PCDHA6: variants seen among roughly 807,000 people sequenced by gnomAD.
The protein encoded by PCDHA6 is protocadherin alpha-6.
In PCDHA6, 55 loss-of-function variants were observed where a neutral mutation model predicts 60.3. That is an observed-to-expected ratio of 0.91 (90% CI 0.73 to 1.14). The LOEUF (loss-of-function observed/expected upper bound fraction) is 1.14, where lower values mean the gene tolerates loss of function less well. Among genes scored for constraint, PCDHA6 ranks in the 50% most tolerant of loss-of-function variants. The pLI is 0.00. For synonymous variants in PCDHA6, 652 were observed against 557.9 expected (o/e 1.17, Z -2.38); for missense variants, 1,327 against 1,256.5 (o/e 1.06, Z -0.85).
At chr5:140,978,887 A>C (rs1367734690) in intron 1 of PCDHA6, 62 bp from the exon 2 acceptor site, 14 of 1,611,648 alleles carry the variant, frequency 8.7e-6, no homozygotes, top group Admixed American at 1.7e-5. Flanking sequence ...ATCAATTAGC[A>C]GCATTCCTGG....
chr5:140,872,007 G>A (rs974078446), intron 1 of PCDHA6, among the ~76,000 whole-genome samples: 7 of 152,176 alleles, frequency 4.6e-5, no homozygotes, highest in African/African-American at 1.4e-4. Flanking sequence ...ATTTACAGGT[G>A]ACCTGTAGCC....
chr5:140,941,111 G>T (rs1477407055), intron 1 of PCDHA6, among the ~76,000 whole-genome samples: 2 of 152,090 alleles, frequency 1.3e-5, no homozygotes, highest in Non-Finnish European at 2.9e-5. Context: ...TTACTGGAAA[G>T]ATTAGTCCTT....
At chr5:140,950,821 G>T (rs1361371532) in intron 1 of PCDHA6, among the ~76,000 whole-genome samples, 8 of 152,020 alleles carry the variant, frequency 5.3e-5, no homozygotes, top group Non-Finnish European at 4.4e-5. Context: ...TAGGGTTAAA[G>T]TTTGGTCCTT....
intron 1 of PCDHA6, chr5:140,877,398 T>C: frequency 1.2e-6 from 2 of 1,613,870 alleles, no homozygotes; most frequent in Middle Eastern, 1.6e-4. Flanking sequence ...AGGCGGACGC[T>C]CCGCGCCACC....
At chr5:140,838,520 T>C (rs1554137093) in intron 1 of PCDHA6, among the ~76,000 whole-genome samples, 1 of 152,024 alleles carries the variant, frequency 6.6e-6, no homozygotes, top group Non-Finnish European at 1.5e-5. Flanking sequence ...ATTTGCATCT[T>C]ATTTTCTTTT....
chr5:140,962,370 T>G (rs1554225991), intron 1 of PCDHA6, among the ~76,000 whole-genome samples: 1 of 152,214 alleles, frequency 6.6e-6, no homozygotes, highest in South Asian at 2.1e-4. Flanking sequence ...GCTAGTTTGA[T>G]TTTATCTGTT....
chr5:140,830,176 T>C lies in PCDHA6; in HGVS notation c.2085T>C (p.Asp695=). The C allele has an allele frequency of 6.2e-7, 1 of 1,613,552 alleles. No individual in the cohort carries two copies. Among genetic ancestry groups the C allele is most frequent in the Non-Finnish European group, 8.5e-7 (1 of 1,179,868 alleles). ...GAAGPEAALV[D]VNVYLIIAIC... ...CGGGCCCAGAGGCGGCGCTGGTGGA[T>C]GTCAACGTGTACCTGATCATCGCCA... Residue 695 remains aspartate (D), a synonymous_variant, in exon 1 of 4, where the codon GAT becomes GAC. Coordinates refer to ENST00000529310, the MANE Select transcript of PCDHA6 (RefSeq NM_018909.4).
At chr5:140,929,103 G>C (rs1424047708) in intron 1 of PCDHA6, 1 of 1,614,062 alleles carries the variant, frequency 6.2e-7, no homozygotes, top group East Asian at 2.2e-5. Flanking sequence ...ATCCTTGCAT[G>C]ACATCAGCCA....
intron 3 of PCDHA6, among the ~76,000 whole-genome samples, chr5:140,982,795 A>G (rs1011948194): frequency 3.3e-5 from 5 of 151,516 alleles, no homozygotes; most frequent in African/African-American, 1.2e-4. Context: ...GCATGTGTGC[A>G]TGTGTGTGTG....
chr5:140,882,771 T>C (rs148644909), intron 1 of PCDHA6: 19 of 1,614,110 alleles, frequency 1.2e-5, no homozygotes, highest in Non-Finnish European at 1.6e-5. Context: ...AACTCGGCAT[T>C]GACCTACCGA....
At chr5:140,909,215 AC>A (rs1554193695) in intron 1 of PCDHA6, among the ~76,000 whole-genome samples, 1 of 152,160 alleles carries the variant, frequency 6.6e-6, no homozygotes, top group African/African-American at 2.4e-5. Flanking sequence ...GAGTTGATAT[AC>A]CCCTGAGGTA....
intron 1 of PCDHA6, chr5:140,869,097 G>A (rs1344358126): frequency 2.5e-6 from 4 of 1,595,318 alleles, no homozygotes; most frequent in Non-Finnish European, 2.6e-6. Flanking sequence ...AGCCAATTTC[G>A]TATGCGATGT....
chr5:140,985,499 C>G (rs1307302690), intron 3 of PCDHA6, among the ~76,000 whole-genome samples: 1 of 152,170 alleles, frequency 6.6e-6, no homozygotes, highest in African/African-American at 2.4e-5. Flanking sequence ...TAGAGCCTGC[C>G]TTTCATTGAT....
At chr5:140,942,907 C>T (rs990206907) in intron 1 of PCDHA6, among the ~76,000 whole-genome samples, 14 of 151,044 alleles carry the variant, frequency 9.3e-5, no homozygotes, top group Non-Finnish European at 1.6e-4. Flanking sequence ...TAAGAATAAG[C>T]GTGAAGAAAA....
chr5:140,994,141 C>T (rs782520855), intron 3 of PCDHA6, among the ~76,000 whole-genome samples: 1 of 152,256 alleles, frequency 6.6e-6, no homozygotes, highest in African/African-American at 2.4e-5. Context: ...TAATGCCCTA[C>T]GTAGGTAGGG....
In PCDHA6 at chr5:141,010,089, G is replaced by A. The variant is rs1588251277; in HGVS notation, c.*152G>A. 3.7e-6 allele frequency: 6 copies of A among 1,612,294 alleles called. No individual in the cohort carries two copies. The highest frequency in any genetic ancestry group is 5.1e-6 in the Non-Finnish European group (6 of 1,179,138). ...AAAGTTCCCTGTGTCTGTCTAGAAC[G>A]CATTTAACAGGTTTTGTCGTAAAAG... On this transcript the variant is annotated 3_prime_UTR_variant, in exon 4 of 4. Transcript: ENST00000529310.
At chr5:140,847,123 C>T (rs1554141658) in intron 1 of PCDHA6, among the ~76,000 whole-genome samples, 1 of 149,564 alleles carries the variant, frequency 6.7e-6, no homozygotes, top group African/African-American at 2.4e-5. Context: ...AGAATGAAAG[C>T]AGGAAAACCA....
At chr5:140,853,269 C>G (rs1458321470) in intron 1 of PCDHA6, 2 of 975,966 alleles carry the variant, frequency 2.0e-6, no homozygotes, top group African/African-American at 1.8e-5. Flanking sequence ...AGAGTACAAG[C>G]TCTCATCATA....
intron 1 of PCDHA6, chr5:140,876,767 C>T (rs1462172871): frequency 1.2e-6 from 2 of 1,614,194 alleles, no homozygotes; most frequent in South Asian, 1.1e-5. Flanking sequence ...GATGGGGGCT[C>T]GCCTTCGCTG....
Sources: allele counts gnomAD v4.1 joint callset (sites outside exome capture counted in the v4.1 genomes callset), GRCh38; gene constraint gnomAD v4.1.1; transcripts MANE v1.5; gene names NCBI Gene and HGNC (gene_info 2026-07-23, HGNC 2026-07-21).